The following MYOF variants were observed in gnomAD, a reference collection of about 807,000 sequenced individuals.
MYOF encodes the protein myoferlin, also known as fer-1-like 3, myoferlin.
Under a neutral mutation model 284.2 loss-of-function variants are expected in MYOF, and 244 were observed. That is an observed-to-expected ratio of 0.86 (90% confidence interval 0.77 to 0.95). The LOEUF (loss-of-function observed/expected upper bound fraction) is 0.95. MYOF is among the 40% of genes least tolerant of loss of function. The pLI, the probability that MYOF is intolerant of heterozygous loss-of-function variation, is 0.00. For synonymous variants in MYOF, 904 were observed against 919.7 expected (o/e 0.98, Z 0.31); for missense variants, 2,496 against 2,560.6 (o/e 0.97, Z 0.54).
chr10:93,326,208 C>T (rs149825760), intron 45 of MYOF, among the ~76,000 whole-genome samples: 10 of 152,282 alleles, frequency 6.6e-5, no homozygotes, highest in African/African-American at 2.2e-4. Context: ...GACACCAGAA[C>T]GGGTAAGTGG....
chr10:93,374,903 G>A lies in MYOF; in HGVS notation c.2161C>T (p.Gln721Ter). 1 of 1,614,152 alleles carries A rather than the reference G, an allele frequency of 6.2e-7. No individual in the cohort carries two copies. The highest frequency in any genetic ancestry group is 8.5e-7 in the Non-Finnish European group (1 of 1,180,012). Residue 721 changes from glutamine to a stop codon, truncating the protein, a stop_gained, in exon 23 of 54, where the codon CAG becomes TAG. Coordinates refer to ENST00000359263, the MANE Select transcript of MYOF (RefSeq NM_013451.4). LOFTEE classifies it high-confidence loss of function. Reference protein sequence around the residue: ...GKANVTVLDTQIRKLRSRSLS... With the variant: ...GKANVTVLDT ...GACCTGGACCGCAGCTTTCGGATCT[G>A]AGTATCGAGAACTGTGACGTTGGCT...
At chr10:93,432,386 CA>C (rs200098562) in intron 3 of MYOF, among the ~76,000 whole-genome samples, 2 of 147,814 alleles carry the variant, frequency 1.4e-5, no homozygotes, top group Non-Finnish European at 3.0e-5. Flanking sequence ...GACCTTGTCT[CA>C]AAAAAAAAGA....
At chr10:93,347,095 G>A (rs938775993) in intron 37 of MYOF, among the ~76,000 whole-genome samples, 1 of 152,158 alleles carries the variant, frequency 6.6e-6, no homozygotes, top group African/African-American at 2.4e-5. Context: ...CTAAAACAAG[G>A]CCGAGATTCC....
At chr10:93,336,191 C>A in intron 40 of MYOF, 145 bp from the exon 41 acceptor site, 1 of 849,436 alleles carries the variant, frequency 1.2e-6, no homozygotes, top group Non-Finnish European at 1.8e-6. Flanking sequence ...TAGACAGATA[C>A]AACCACTTTG....
At chr10:93,311,577 A>G (rs1160327439) in intron 51 of MYOF, among the ~76,000 whole-genome samples, 1 of 126,592 alleles carries the variant, frequency 7.9e-6, no homozygotes, top group Admixed American at 8.7e-5. Context: ...TGACAGAGTG[A>G]GACTTCATCT....
At chr10:93,403,183 C>T (rs1292531762) in intron 9 of MYOF, among the ~76,000 whole-genome samples, 2 of 152,104 alleles carry the variant, frequency 1.3e-5, no homozygotes, top group African/African-American at 4.8e-5. Context: ...CTCAGTTTTA[C>T]CACTAAAGTC....
intron 26 of MYOF, among the ~76,000 whole-genome samples, chr10:93,365,080 T>G (rs986143869): frequency 8.5e-5 from 13 of 152,160 alleles, no homozygotes; most frequent in Admixed American, 2.6e-4. Flanking sequence ...CCTCACCAAT[T>G]TCCCCCAACT....
intron 12 of MYOF, among the ~76,000 whole-genome samples, chr10:93,401,014 A>G (rs966286567): frequency 6.6e-6 from 1 of 151,794 alleles, no homozygotes; most frequent in Admixed American, 6.6e-5. Flanking sequence ...CACCATGCCC[A>G]GCTAATTTCT....
intron 5 of MYOF, among the ~76,000 whole-genome samples, chr10:93,413,961 CTG>C (rs977674261): frequency 6.6e-6 from 1 of 152,112 alleles, no homozygotes; most frequent in African/African-American, 2.4e-5. Context: ...CCCTTGCACT[CTG>C]TCCTGGGTGA....
rs1000292427 is a variant in MYOF, at chr10:93,460,733, C to CTCCAAT, written c.89-3797_89-3796insATTGGA. Among the ~76,000 whole-genome samples, 21 of 145,724 alleles carry CTCCAAT rather than the reference C, an allele frequency of 1.4e-4. 1 individual carries two copies. The highest frequency in any genetic ancestry group is 1.3e-3 in the Admixed American group (19 of 14,298). ...AGTGAGCCGAGATCAAGCCACTGCA[C>CTCCAAT]TCCAGCCTGGGCAACAGAGCAAGAC... On this transcript the variant is annotated intron_variant, in intron 1 of 53. Transcript: ENST00000359263.
At position 93,310,520 on chromosome 10, in the gene MYOF, A is replaced by G. The variant is rs1222910843; in HGVS notation, c.5999+14T>C. The G allele has an allele frequency of 1.2e-6, 2 of 1,611,794 alleles. No homozygotes were observed. Among genetic ancestry groups the G allele is most frequent in the Non-Finnish European group, 1.7e-6 (2 of 1,178,986 alleles). On this transcript the variant is annotated intron_variant, in intron 52 of 53. Coordinates refer to ENST00000359263, the MANE Select transcript of MYOF (RefSeq NM_013451.4). ...AGGTGTTTGGGGAGTGGGAGAACAA[A>G]GAAGGCCTCTCACTTTGGTAAGTCC...
intron 3 of MYOF, 87 bp downstream of exon 3, chr10:93,451,963 C>A (rs12248486): frequency 0.032 from 30,501 of 947,394 alleles, 2,341 homozygotes; most frequent in African/African-American, 0.24. Context: ...TATTATAATA[C>A]GTTATTAAAG....
intron 3 of MYOF, among the ~76,000 whole-genome samples, 187 bp downstream of exon 3, chr10:93,451,863 T>A (rs1050179099): frequency 3.3e-5 from 5 of 152,142 alleles, no homozygotes; most frequent in African/African-American, 1.2e-4. Context: ...AAAGCAGTCA[T>A]TGGGAAAAAG....
chr10:93,362,031 C>T (rs187562115), intron 27 of MYOF, among the ~76,000 whole-genome samples: 1 of 151,948 alleles, frequency 6.6e-6, no homozygotes, highest in East Asian at 1.9e-4. Context: ...TCACTGCAAC[C>T]TCTGCCTCCT....
chr10:93,347,655 G>T lies in MYOF; in HGVS notation c.4211C>A (p.Pro1404His). 6.2e-7 allele frequency: 1 copy of T among 1,613,852 alleles called. No individual in the cohort carries two copies. The highest frequency in any genetic ancestry group is 8.5e-7 in the Non-Finnish European group (1 of 1,179,980). The change falls in exon 37 of 54, where the codon CCT becomes CAT. Residue 1404 changes from proline (P) to histidine (H), a missense_variant. Pro to His is a moderately conservative substitution (Grantham distance 77). This residue lies in a region of MYOF where 2,436 missense variants were observed against 2,480.7 expected (regional missense o/e 0.98). Transcript: ENST00000359263. ...IERLDRFRCD[P>H]YAGKEDIVPQ... ...GACGATGTCCTCTTTCCCTGCATAA[G>T]GGTCACAGCGAAAGCGGTCCAGGCG... is the stretch of plus-strand genomic sequence containing the variant.
In MYOF at chr10:93,377,302, A is replaced by T. The variant is rs1474589067; in HGVS notation, c.2108+21T>A. On this transcript the variant is annotated intron_variant, in intron 22 of 53. Coordinates refer to ENST00000359263, the MANE Select transcript of MYOF (RefSeq NM_013451.4). ...GGAGCGCCTGGATGAAAATTCTGAG[A>T]TAGGCGTAAGATCACTGTACCTCGT... 2.6e-6 allele frequency: 4 copies of T among 1,556,890 alleles called. No individual in the cohort carries two copies. In the East Asian group the frequency reaches 9.0e-5, roughly 35 times the overall value.
In MYOF at chr10:93,477,769, C is replaced by T. The variant is rs2057296014; in HGVS notation, c.88+4338G>A. 3.9e-5 allele frequency among the ~76,000 whole-genome samples: 6 copies of T among 152,124 alleles called. No individual in the cohort carries two copies. The South Asian group carries it at 1.2e-3, about 32-fold the overall frequency. On this transcript the variant is annotated intron_variant, in intron 1 of 53. Transcript: ENST00000359263. ...GGCTGAGGCAGGAGAATCGCTTGAACCCAGGAGGTGGAGGTTGCAGTGAGC... is the reference window on the plus strand; with the variant it reads ...GGCTGAGGCAGGAGAATCGCTTGAATCCAGGAGGTGGAGGTTGCAGTGAGC...
At chr10:93,403,902 A>G in intron 9 of MYOF, 121 bp downstream of exon 9, 1 of 1,044,042 alleles carries the variant, frequency 9.6e-7, no homozygotes, top group Non-Finnish European at 1.5e-6. Flanking sequence ...AGCAAGTGTC[A>G]TCATGCTGAA....
At chr10:93,399,614 C>T in intron 12 of MYOF, 119 bp from the exon 13 acceptor site, 6 of 660,600 alleles carry the variant, frequency 9.1e-6, no homozygotes. Flanking sequence ...TGGCTCATGC[C>T]TGTAATCCCA....
Sources: gnomAD v4.1 joint callset for allele counts (sites outside exome capture counted in the v4.1 genomes callset) on GRCh38, gnomAD v4.1.1 for gene constraint, gnomAD v4.1.1 regional missense constraint, MANE v1.5 for transcripts, NCBI Gene and HGNC (gene_info 2026-07-23, HGNC 2026-07-21) for gene names.